The following ARHGEF28 variants were observed in gnomAD, a reference collection of about 807,000 sequenced individuals.
The protein encoded by ARHGEF28 is Rho guanine nucleotide exchange factor 28, also known as 190 kDa guanine nucleotide exchange factor.
ARHGEF28 carries 152 observed loss-of-function variants against 206.6 expected under a neutral mutation model. That is an observed-to-expected ratio of 0.74 (90% confidence interval 0.64 to 0.84). The LOEUF (loss-of-function observed/expected upper bound fraction) is 0.84. Among genes scored for constraint, ARHGEF28 ranks in the 40% least tolerant of loss-of-function variants. ARHGEF28 has a pLI of 0.00. For missense variants in ARHGEF28, 2,028 were observed against 2,073.2 expected (o/e 0.98, Z 0.42); for synonymous variants, 763 against 776.4 (o/e 0.98, Z 0.29).
At chr5:73,654,685 G>C (rs537860087) in intron 1 of ARHGEF28, among the ~76,000 whole-genome samples, 11 of 152,330 alleles carry the variant, frequency 7.2e-5, no homozygotes, top group African/African-American at 2.2e-4. Context: ...GCATAATTAT[G>C]CTGGCCCACC....
At position 73,895,695 on chromosome 5, in the gene ARHGEF28, C is replaced by T. The variant is rs138690053; in HGVS notation, c.3841+1120C>T. On this transcript the variant is annotated intron_variant, in intron 29 of 35. Transcript: ENST00000513042. ...CCTGCTTTCGTAAGTTTAGTTTTACCGGAACTTAGCCACATCTGCTTGTTT... is the reference window on the plus strand; with the variant it reads ...CCTGCTTTCGTAAGTTTAGTTTTACTGGAACTTAGCCACATCTGCTTGTTT... Among the ~76,000 whole-genome samples, 61 of 152,238 alleles carry T rather than the reference C, an allele frequency of 4.0e-4. 1 individual carries two copies. Among genetic ancestry groups the T allele is most frequent in the South Asian group, 1.0e-3 (5 of 4,816 alleles).
At position 73,720,955 on chromosome 5, in the gene ARHGEF28, T is replaced by C. The variant is rs1023725055; in HGVS notation, c.34-28882T>C. On this transcript the variant is annotated intron_variant, in intron 2 of 35. Transcript: ENST00000513042. ...TCAAAATAACGGCTTATATAACATA[T>C]TGCTTCTCAAATTTCTTCATAGCAA... Among the ~76,000 whole-genome samples, 9 of 152,350 alleles carry C rather than the reference T, an allele frequency of 5.9e-5. 1 individual carries two copies. In the East Asian group the frequency reaches 1.7e-3, roughly 29 times the overall value.
intron 9 of ARHGEF28, among the ~76,000 whole-genome samples, chr5:73,811,123 G>A (rs961357976): frequency 6.6e-6 from 1 of 152,166 alleles, no homozygotes; most frequent in African/African-American, 2.4e-5. Flanking sequence ...TAGAGCTGAA[G>A]AAAAATAACA....
intron 14 of ARHGEF28, among the ~76,000 whole-genome samples, chr5:73,855,929 G>A (rs959270769): frequency 5.3e-5 from 8 of 152,090 alleles, no homozygotes; most frequent in Non-Finnish European, 1.0e-4. Context: ...TGTTCCTGCT[G>A]GGAAGTACAA....
chr5:73,660,127 A>G (rs187789980), intron 1 of ARHGEF28, among the ~76,000 whole-genome samples: 122 of 152,270 alleles, frequency 8.0e-4, no homozygotes, highest in Non-Finnish European at 1.4e-3. Context: ...AATCCTCTTA[A>G]CTTTGCCTAT....
chr5:73,635,718 G>A (rs991378045), intron 1 of ARHGEF28, among the ~76,000 whole-genome samples: 27 of 152,124 alleles, frequency 1.8e-4, no homozygotes, highest in Admixed American at 5.9e-4. Context: ...TGTCTTTCAC[G>A]GAGTTGTCAA....
chr5:73,841,712 GAA>G (rs33935657), intron 11 of ARHGEF28, among the ~76,000 whole-genome samples: 2,727 of 110,760 alleles, frequency 0.025, 37 homozygotes, highest in African/African-American at 0.066. Flanking sequence ...TCAAAAAGAA[GAA>G]AAAAAAAAAA....
chr5:73,795,686 A>T (rs955923743), intron 9 of ARHGEF28, among the ~76,000 whole-genome samples: 1 of 152,192 alleles, frequency 6.6e-6, no homozygotes, highest in African/African-American at 2.4e-5. Context: ...TATTTCTGTG[A>T]AGTAGGCACT....
At chr5:73,874,089 C>T (rs139168373) in intron 22 of ARHGEF28, among the ~76,000 whole-genome samples, 1 of 152,142 alleles carries the variant, frequency 6.6e-6, no homozygotes. Context: ...AGTAATATCT[C>T]ATTATGGTTC....
intron 14 of ARHGEF28, among the ~76,000 whole-genome samples, chr5:73,856,992 A>G (rs1409025204): frequency 6.6e-6 from 1 of 152,172 alleles, no homozygotes; most frequent in East Asian, 1.9e-4. Flanking sequence ...GTGGATTAGA[A>G]GAAAATAAAC....
At chr5:73,715,339 C>G (rs1379195228) in intron 2 of ARHGEF28, among the ~76,000 whole-genome samples, 4 of 152,120 alleles carry the variant, frequency 2.6e-5, no homozygotes, top group Non-Finnish European at 5.9e-5. Flanking sequence ...CTCTAAGGAC[C>G]CTGGGCCTTT....
intron 2 of ARHGEF28, among the ~76,000 whole-genome samples, chr5:73,708,200 A>G (rs1455180986): frequency 6.7e-6 from 1 of 149,796 alleles, no homozygotes; most frequent in East Asian, 1.9e-4. Flanking sequence ...TTTTTTTTTA[A>G]TTTCAGCTTT....
chr5:73,718,915 C>A (rs1179626672), intron 2 of ARHGEF28, among the ~76,000 whole-genome samples: 1 of 152,242 alleles, frequency 6.6e-6, no homozygotes, highest in Non-Finnish European at 1.5e-5. Flanking sequence ...AGCCTCTCGG[C>A]ATTGCTGTGT....
chr5:73,752,852 C>G (rs1007029867), intron 3 of ARHGEF28, 57 bp from the exon 4 acceptor site: 3 of 1,586,324 alleles, frequency 1.9e-6, no homozygotes, highest in Non-Finnish European at 2.6e-6. Flanking sequence ...ACATTGGACC[C>G]CTGTGAGAGC....
chr5:73,940,656 G>A (rs1240279345), intron 35 of ARHGEF28, among the ~76,000 whole-genome samples, 188 bp from the exon 36 acceptor site: 4 of 152,138 alleles, frequency 2.6e-5, no homozygotes, highest in Admixed American at 6.6e-5. Flanking sequence ...GCACACAATC[G>A]AACATATCTT....
chr5:73,794,179 G>T (rs1051587150), intron 7 of ARHGEF28, among the ~76,000 whole-genome samples: 3 of 151,982 alleles, frequency 2.0e-5, no homozygotes, highest in African/African-American at 7.3e-5. Flanking sequence ...AGAGCTCCTG[G>T]GCTTGTTTCC....
chr5:73,895,327 TAA>T (rs1761901109), intron 29 of ARHGEF28, among the ~76,000 whole-genome samples: 1 of 152,124 alleles, frequency 6.6e-6, no homozygotes, highest in Non-Finnish European at 1.5e-5. Context: ...GTGGAAGGAC[TAA>T]GTTTATAGAA....
At chr5:73,810,799 T>C (rs1346197885) in intron 9 of ARHGEF28, among the ~76,000 whole-genome samples, 4 of 152,192 alleles carry the variant, frequency 2.6e-5, no homozygotes, top group Admixed American at 2.0e-4. Context: ...TTTCTCTACA[T>C]TTGTAGTCTT....
At chr5:73,765,041 A>T (rs1752821370) in intron 4 of ARHGEF28, among the ~76,000 whole-genome samples, 1 of 152,174 alleles carries the variant, frequency 6.6e-6, no homozygotes, top group East Asian at 1.9e-4. Flanking sequence ...TTTTATAAAT[A>T]TCTGTAAATT....
Sources: allele counts gnomAD v4.1 joint callset (sites outside exome capture counted in the v4.1 genomes callset), GRCh38; gene constraint gnomAD v4.1.1; transcripts MANE v1.5; gene names NCBI Gene and HGNC (gene_info 2026-07-23, HGNC 2026-07-21).